The following IFT80 variants were observed in gnomAD, a reference collection of about 807,000 sequenced individuals.
IFT80 encodes intraflagellar transport protein 80 homolog.
In IFT80, 79 loss-of-function variants were observed where a neutral mutation model predicts 107.9. The ratio of observed to expected loss-of-function variants is 0.73; its 90% CI spans 0.61 to 0.88. The LOEUF is 0.88. IFT80 is among the 40% of genes least tolerant of loss of function. IFT80 has a pLI of 0.00. For missense variants in IFT80, 797 were observed against 914.2 expected (o/e 0.87, Z 1.65); for synonymous variants, 299 against 300.9 (o/e 0.99, Z 0.07).
intron 8 of IFT80, among the ~76,000 whole-genome samples, chr3:160,340,509 T>C (rs1719818039): frequency 6.6e-6 from 1 of 152,214 alleles, no homozygotes; most frequent in African/African-American, 2.4e-5. Context: ...TCCTTGATCA[T>C]TCAGATTGTA....
intron 14 of IFT80, among the ~76,000 whole-genome samples, chr3:160,281,220 A>G (rs978574216): frequency 1.3e-5 from 2 of 152,184 alleles, no homozygotes; most frequent in African/African-American, 4.8e-5. Flanking sequence ...ACAGAGGTGA[A>G]GTCCTCCCTT....
intron 8 of IFT80, among the ~76,000 whole-genome samples, 154 bp downstream of exon 8, chr3:160,355,859 G>A (rs1338178856): frequency 6.6e-6 from 1 of 152,132 alleles, no homozygotes; most frequent in East Asian, 1.9e-4. Flanking sequence ...CCATATATCT[G>A]GAATTGATTG....
chr3:160,297,584 C>T (rs1401670775), intron 12 of IFT80, among the ~76,000 whole-genome samples: 4 of 151,708 alleles, frequency 2.6e-5, no homozygotes, highest in South Asian at 2.1e-4. Flanking sequence ...AGAAAAATCA[C>T]GTTGCAACAT....
At chr3:160,275,543 T>A (rs553241298) in intron 18 of IFT80, among the ~76,000 whole-genome samples, 1 of 152,222 alleles carries the variant, frequency 6.6e-6, no homozygotes, top group Non-Finnish European at 1.5e-5. Context: ...TCATTCTATG[T>A]GCAATACTCT....
At chr3:160,275,338 T>C (rs993493508) in intron 18 of IFT80, among the ~76,000 whole-genome samples, 19 of 152,242 alleles carry the variant, frequency 1.2e-4, no homozygotes, top group Admixed American at 1.1e-3. Flanking sequence ...TGCTGCAAAA[T>C]GATTATTAAT....
chr3:160,340,594 A>G (rs1019750147), intron 8 of IFT80, among the ~76,000 whole-genome samples: 2 of 152,166 alleles, frequency 1.3e-5, no homozygotes, highest in Non-Finnish European at 2.9e-5. Flanking sequence ...TCTAGAGGCC[A>G]CCTGCATTCC....
intron 12 of IFT80, among the ~76,000 whole-genome samples, chr3:160,289,745 G>A (rs1345043930): frequency 6.6e-6 from 1 of 152,162 alleles, no homozygotes; most frequent in African/African-American, 2.4e-5. Flanking sequence ...TGGAGCAATG[G>A]TCTACCAATT....
At chr3:160,343,948 T>G (rs1289646900) in intron 8 of IFT80, 1 of 178,544 alleles carries the variant, frequency 5.6e-6, no homozygotes, top group Non-Finnish European at 1.2e-5. Context: ...AACAAATTAA[T>G]ATGCAATGCA....
chr3:160,342,452 C>T (rs181057009), intron 8 of IFT80, among the ~76,000 whole-genome samples: 174 of 152,252 alleles, frequency 1.1e-3, no homozygotes, highest in Non-Finnish European at 2.1e-3. Context: ...TGTCAAATTG[C>T]TTAGGCATGC....
chr3:160,301,157 A>AT, intron 11 of IFT80, 111 bp from the exon 12 acceptor site: 1 of 1,034,424 alleles, frequency 9.7e-7, no homozygotes. Context: ...CTTACAATTA[A>AT]TGTAAATGTG....
intron 8 of IFT80, among the ~76,000 whole-genome samples, chr3:160,340,334 T>C (rs1559948841): frequency 6.6e-6 from 1 of 152,200 alleles, no homozygotes; most frequent in Non-Finnish European, 1.5e-5. Context: ...TGCAGTGTTC[T>C]ATTAGTGCTG....
chr3:160,290,363 A>C (rs1715451018), intron 12 of IFT80, among the ~76,000 whole-genome samples: 1 of 151,018 alleles, frequency 6.6e-6, no homozygotes, highest in African/African-American at 2.4e-5. Flanking sequence ...AGCCAAGGTC[A>C]TGCCACTGCA....
In IFT80 at chr3:160,390,345, A is replaced by T. The variant is rs370293391; in HGVS notation, c.-46-5699T>A. The stretch of plus-strand genomic sequence containing the variant: ...GGCAGGAGAATCGCTTGAACCCGGG[A>T]GGCAGAGGTTGCAGTAAGCCGAGAT... On this transcript the variant is annotated intron_variant, in intron 1 of 19. Transcript: ENST00000326448. 2.6e-5 allele frequency among the ~76,000 whole-genome samples: 4 copies of T among 151,256 alleles called. No individual in the cohort carries two copies. In the East Asian group the frequency reaches 5.8e-4, roughly 22 times the overall value.
At chr3:160,284,103 T>C (rs1476642774) in intron 13 of IFT80, among the ~76,000 whole-genome samples, 2 of 152,132 alleles carry the variant, frequency 1.3e-5, no homozygotes, top group African/African-American at 4.8e-5. Flanking sequence ...AATTTAAAAA[T>C]CCTTTGTATT....
chr3:160,377,542 T>C lies in IFT80; in HGVS notation c.260-2A>G. 6.5e-7 allele frequency: 1 copy of C among 1,528,550 alleles called. No homozygotes were observed. Among genetic ancestry groups the C allele is most frequent in the Non-Finnish European group, 9.1e-7 (1 of 1,103,150 alleles). The allele number at this position is 1,528,550 out of a possible 1,614,324, so 94.7% of individuals were successfully genotyped here. A position where few individuals can be genotyped will look rare whatever the true frequency, so the allele number is the denominator to read the frequency against. ...ACTTGGAAATCAGATGAAATTTACC[T>C]GAAAGAAATTACATTTGAAAAATCT... On this transcript the variant is annotated splice_acceptor_variant, in intron 3 of 19. Transcript: ENST00000326448. LOFTEE classifies it high-confidence loss of function.
At chr3:160,332,488 T>A (rs1719161740) in intron 8 of IFT80, among the ~76,000 whole-genome samples, 1 of 152,166 alleles carries the variant, frequency 6.6e-6, no homozygotes, top group Non-Finnish European at 1.5e-5. Flanking sequence ...GGGATTACAT[T>A]ATTAGGTTCC....
intron 17 of IFT80, 32 bp from the exon 18 acceptor site, chr3:160,277,510 T>C (rs770899091): frequency 5.8e-5 from 91 of 1,571,318 alleles, no homozygotes; most frequent in Non-Finnish European, 7.7e-5. Flanking sequence ...TTGAAGTAGA[T>C]AGTAACAGAA....
intron 1 of IFT80, among the ~76,000 whole-genome samples, chr3:160,387,976 T>C (rs1277873209): frequency 6.6e-6 from 1 of 152,146 alleles, no homozygotes; most frequent in Non-Finnish European, 1.5e-5. Flanking sequence ...AGTATAGATA[T>C]TGGTAATGAT....
At chr3:160,259,000 AGGGAGGCTAAGGT>A (rs1257282666) in intron 19 of IFT80, among the ~76,000 whole-genome samples, 1 of 151,990 alleles carries the variant, frequency 6.6e-6, no homozygotes, top group Non-Finnish European at 1.5e-5. Context: ...CCCAGCTATT[AGGGAGGCTAAGGT>A]GGGAGAATCA....
Sources: gnomAD v4.1 joint callset for allele counts (sites outside exome capture counted in the v4.1 genomes callset) on GRCh38, gnomAD v4.1.1 for gene constraint, MANE v1.5 for transcripts, NCBI Gene and HGNC (gene_info 2026-07-23, HGNC 2026-07-21) for gene names.